The following NBAS variants were observed in gnomAD, a reference collection of about 807,000 sequenced individuals.
The protein encoded by NBAS is NBAS subunit of NRZ tethering complex, also known as NAG/BC035112 fusion.
Under a neutral mutation model 302.5 loss-of-function variants are expected in NBAS, and 219 were observed. The ratio of observed to expected loss-of-function variants is 0.72; its 90% confidence interval spans 0.65 to 0.81. NBAS has a LOEUF of 0.81. Among genes scored for constraint, NBAS ranks in the 30% least tolerant of loss-of-function variants. The pLI is 0.00. For missense variants in NBAS, 2,932 were observed against 2,841.6 expected, an observed-to-expected ratio of 1.03 and a Z score of -0.72; for synonymous variants, 1,118 against 1,021.6, an observed-to-expected ratio of 1.09 and a Z score of -1.80.
intron 40 of NBAS, among the ~76,000 whole-genome samples, chr2:15,304,537 CAGA>C (rs982876710): frequency 6.6e-6 from 1 of 152,208 alleles, no homozygotes; most frequent in African/African-American, 2.4e-5. Flanking sequence ...TTGGAGGGCT[CAGA>C]AGAAGACAGA....
At chr2:15,547,747 GC>G (rs1664183849) in intron 6 of NBAS, among the ~76,000 whole-genome samples, 1 of 152,126 alleles carries the variant, frequency 6.6e-6, no homozygotes. Context: ...TGGGAAAAAG[GC>G]AATTGAATAC....
At chr2:15,414,806 A>C (rs980667811) in intron 25 of NBAS, among the ~76,000 whole-genome samples, 5 of 152,120 alleles carry the variant, frequency 3.3e-5, no homozygotes, top group African/African-American at 1.2e-4. Flanking sequence ...TTTGCCAGGC[A>C]TGGTGGCACA....
chr2:14,931,650 G>A, the NBAS span, among the ~76,000 whole-genome samples: 14 of 152,290 alleles, frequency 9.2e-5, no homozygotes, highest in East Asian at 2.5e-3. Flanking sequence ...TGCAGCATGA[G>A]GTGGAAAATC....
chr2:15,064,715 T>G, the NBAS span, among the ~76,000 whole-genome samples: 1 of 152,166 alleles, frequency 6.6e-6, no homozygotes, highest in Non-Finnish European at 1.5e-5. Context: ...CCTAAACTCA[T>G]TTTATGAGGT....
At chr2:15,118,700 C>T in the NBAS span, among the ~76,000 whole-genome samples, 3 of 152,120 alleles carry the variant, frequency 2.0e-5, no homozygotes, top group African/African-American at 7.2e-5. Flanking sequence ...CGTGTCCTGG[C>T]TGAGCTCAGC....
chr2:15,014,611 A>G, the NBAS span, among the ~76,000 whole-genome samples: 15 of 152,196 alleles, frequency 9.9e-5, no homozygotes, highest in South Asian at 8.3e-4. Context: ...ACGAAAACCT[A>G]TGGGACACAG....
chr2:15,268,960 G>A (rs367824509), intron 44 of NBAS, among the ~76,000 whole-genome samples: 1 of 152,180 alleles, frequency 6.6e-6, no homozygotes, highest in African/African-American at 2.4e-5. Flanking sequence ...GGAGAAGCAC[G>A]CAGCAAAGAA....
the NBAS span, among the ~76,000 whole-genome samples, chr2:15,060,379 G>A: frequency 3.9e-5 from 6 of 152,174 alleles, no homozygotes; most frequent in African/African-American, 1.4e-4. Context: ...GCAGCATGGA[G>A]AGAGCTCTTG....
the NBAS span, among the ~76,000 whole-genome samples, chr2:14,821,359 CAG>C: frequency 2.0e-5 from 3 of 152,126 alleles, no homozygotes; most frequent in African/African-American, 7.2e-5. Flanking sequence ...TTGCATTTTC[CAG>C]AGTCTGTTAT....
At chr2:15,446,536 T>G (rs1678751419) in intron 21 of NBAS, among the ~76,000 whole-genome samples, 1 of 152,116 alleles carries the variant, frequency 6.6e-6, no homozygotes, top group Admixed American at 6.5e-5. Flanking sequence ...CAAGGCATGC[T>G]AAAGAAAGTG....
the NBAS span, among the ~76,000 whole-genome samples, chr2:14,847,382 T>TAAAAAAAAAAAAAAA: frequency 3.8e-5 from 2 of 53,170 alleles, no homozygotes; most frequent in African/African-American, 6.7e-5. Flanking sequence ...GACTCTATCT[T>TAAAAAAAAAAAAAAA]AAAAAAAAAA....
chr2:15,515,280 G>A (rs530054031), intron 9 of NBAS, among the ~76,000 whole-genome samples: 2 of 152,068 alleles, frequency 1.3e-5, no homozygotes, highest in East Asian at 3.9e-4. Flanking sequence ...TGAAATTAGT[G>A]GCACAAAAGA....
chr2:15,321,048 T>C (rs1309039038), intron 38 of NBAS, among the ~76,000 whole-genome samples: 3 of 152,066 alleles, frequency 2.0e-5, no homozygotes, highest in Non-Finnish European at 4.4e-5. Flanking sequence ...AAAACAGAGA[T>C]ATAGACCAAT....
At chr2:14,929,714 C>T in the NBAS span, among the ~76,000 whole-genome samples, 1 of 152,078 alleles carries the variant, frequency 6.6e-6, no homozygotes, top group Non-Finnish European at 1.5e-5. Flanking sequence ...GAGAATAGCC[C>T]ATGAGAAGAT....
the NBAS span, among the ~76,000 whole-genome samples, chr2:15,117,276 T>C: frequency 1.3e-5 from 2 of 152,186 alleles, no homozygotes; most frequent in African/African-American, 4.8e-5. Context: ...CTGAACACCC[T>C]GGCAGATAGG....
chr2:15,424,341 C>A lies in NBAS; in HGVS notation c.2551G>T (p.Glu851Ter). The A allele has an allele frequency of 6.2e-7, 1 of 1,614,122 alleles. No homozygotes were observed. The highest frequency in any genetic ancestry group is 1.1e-5 in the South Asian group (1 of 91,088). ...KVMDWYQTRA[E>*]EIEHYARQVD... is the part of the protein sequence containing the mutation. ...TGCCGAGCATAATGCTCTATTTCCT[C>A]TGCTCTGGTCTGATACCAGTCCATA... is the stretch of plus-strand genomic sequence containing the variant. Residue 851 changes from glutamate (E) to a stop codon, truncating the protein, a stop_gained, in exon 23 of 52, where the codon GAG (glutamate) becomes TAG (stop). Coordinates refer to ENST00000281513, the MANE Select transcript of NBAS (RefSeq NM_015909.4). LOFTEE classifies it high-confidence loss of function.
Position 15,210,087 on chromosome 2 carries a change from C to G in NBAS, c.6432+8686G>C, listed in dbSNP as rs142295461. Among the ~76,000 whole-genome samples, 762 of 152,116 alleles carry G rather than the reference C, an allele frequency of 5.0e-3. 3 individuals are homozygous for G. The highest frequency in any genetic ancestry group is 8.7e-3 in the Non-Finnish European group (593 of 67,964). ...GGACAAAGATTTCTTGAGTAATACC[C>G]CACAAGCACAGGCAACCAAAGCAAA... On this transcript the variant is annotated intron_variant, in intron 48 of 51. Transcript: ENST00000281513.
At chr2:15,192,494 C>A (rs535436375) in intron 48 of NBAS, among the ~76,000 whole-genome samples, 29 of 151,944 alleles carry the variant, frequency 1.9e-4, no homozygotes, top group Admixed American at 1.7e-3. Flanking sequence ...AATGATATTG[C>A]CAAAAGAAAA....
chr2:15,546,556 C>T (rs1664125490), intron 6 of NBAS, among the ~76,000 whole-genome samples: 1 of 152,068 alleles, frequency 6.6e-6, no homozygotes, highest in South Asian at 2.1e-4. Context: ...TGGTGAAACC[C>T]CGACTCTACT....
Sources: gnomAD v4.1 joint callset for allele counts (sites outside exome capture counted in the v4.1 genomes callset) on GRCh38, gnomAD v4.1.1 for gene constraint, MANE v1.5 for transcripts, NCBI Gene and HGNC (gene_info 2026-07-23, HGNC 2026-07-21) for gene names.